RASAL2: variants seen among roughly 807,000 people sequenced by gnomAD.
RASAL2 encodes ras GTPase-activating protein nGAP.
Under a neutral mutation model 128.9 loss-of-function variants are expected in RASAL2, and 58 were observed. That is an observed-to-expected ratio of 0.45 (90% confidence interval 0.36 to 0.56). RASAL2 has a LOEUF of 0.56. Ranked by LOEUF, RASAL2 falls within the 20% of genes least tolerant of loss-of-function variation. The pLI is 0.00. For synonymous variants in RASAL2, 561 were observed against 580.8 expected, an observed-to-expected ratio of 0.97 and a Z score of 0.49; for missense variants, 1,360 against 1,601.6, an observed-to-expected ratio of 0.85 and a Z score of 2.57.
intron 1 of RASAL2, among the ~76,000 whole-genome samples, chr1:178,169,725 C>T (rs1661641613): frequency 6.6e-6 from 1 of 152,014 alleles, no homozygotes; most frequent in Non-Finnish European, 1.5e-5. Flanking sequence ...ATGTAGACCA[C>T]AGTTGCATTT....
intron 3 of RASAL2, among the ~76,000 whole-genome samples, chr1:178,321,825 C>T (rs976140775): frequency 6.6e-5 from 10 of 151,710 alleles, no homozygotes; most frequent in Non-Finnish European, 1.3e-4. Flanking sequence ...CCCGTCTCTA[C>T]TAAAAATACA....
At chr1:178,117,992 C>T (rs1025768251) in intron 1 of RASAL2, among the ~76,000 whole-genome samples, 1 of 151,886 alleles carries the variant, frequency 6.6e-6, no homozygotes, top group Non-Finnish European at 1.5e-5. Context: ...TGATGAAACT[C>T]CGTCTCGACT....
At chr1:178,417,091 A>T (rs1456069730) in intron 4 of RASAL2, among the ~76,000 whole-genome samples, 1 of 147,700 alleles carries the variant, frequency 6.8e-6, no homozygotes, top group Non-Finnish European at 1.5e-5. Context: ...ATTGTTTCTG[A>T]TTTTCTATTT....
At chr1:178,190,760 T>A (rs1662467730) in intron 1 of RASAL2, among the ~76,000 whole-genome samples, 1 of 151,880 alleles carries the variant, frequency 6.6e-6, no homozygotes, top group South Asian at 2.1e-4. Flanking sequence ...ATCCCCTATA[T>A]GTAGCCGGAA....
intron 1 of RASAL2, among the ~76,000 whole-genome samples, chr1:178,198,152 A>G (rs978338674): frequency 6.6e-6 from 1 of 152,210 alleles, no homozygotes; most frequent in Non-Finnish European, 1.5e-5. Context: ...TAGTGCCACA[A>G]TAAACATACA....
Position 178,439,345 on chromosome 1 carries a change from T to G in RASAL2, c.675-77T>G. On this transcript the variant is annotated intron_variant, in intron 5 of 17. Transcript: ENST00000367649. ...CCCTTAGGCATTTGTACATTTATTG[T>G]TATCCTCCATTGCATTAGACCTTCA... 3.1e-6 allele frequency: 4 copies of G among 1,300,920 alleles called. No individual in the cohort carries two copies. The South Asian group carries it at 6.1e-5, about 20-fold the overall frequency. 80.6% of individuals were successfully genotyped at this position (1,300,920 alleles called of 1,614,324 possible).
At chr1:178,094,821 T>C (rs1284100796) in intron 1 of RASAL2, 127 bp downstream of exon 1, 1 of 1,156,828 alleles carries the variant, frequency 8.6e-7, no homozygotes, top group Non-Finnish European at 1.2e-6. Flanking sequence ...CATCCCTTTT[T>C]GTTCTGGGGG....
rs1051331307 is a variant in RASAL2 at position 178,473,407 on chromosome 1, G to C, written c.*168G>C. On this transcript the variant is annotated 3_prime_UTR_variant, in exon 18 of 18. Coordinates refer to ENST00000367649, the MANE Select transcript of RASAL2 (RefSeq NM_170692.4). Reference sequence around the variant, plus strand: ...CTTGTCTTTCAGGGCATAAGGCGGCGACTTCCAAGGTCAATGCTTTTCCCC... The same window carrying C: ...CTTGTCTTTCAGGGCATAAGGCGGCCACTTCCAAGGTCAATGCTTTTCCCC... The C allele has an allele frequency of 7.7e-6, 6 of 781,720 alleles. No homozygotes were observed. Among genetic ancestry groups the C allele is most frequent in the Non-Finnish European group, 1.2e-5 (6 of 500,332 alleles). 48.4% of individuals were successfully genotyped at this position (781,720 alleles called of 1,614,324 possible).
intron 1 of RASAL2, among the ~76,000 whole-genome samples, chr1:178,279,197 C>T (rs889626570): frequency 2.0e-5 from 3 of 152,148 alleles, no homozygotes; most frequent in African/African-American, 7.2e-5. Flanking sequence ...TATTGGACTT[C>T]CTGTTATATA....
chr1:178,242,449 C>CA (rs1305365616), intron 1 of RASAL2, among the ~76,000 whole-genome samples: 1 of 117,940 alleles, frequency 8.5e-6, no homozygotes, highest in African/African-American at 3.4e-5. Flanking sequence ...CTCTCTCTCT[C>CA]TCTCTCTCTC....
At chr1:178,398,121 G>GT (rs1168038347) in intron 4 of RASAL2, among the ~76,000 whole-genome samples, 3 of 151,370 alleles carry the variant, frequency 2.0e-5, no homozygotes, top group South Asian at 2.1e-4. Flanking sequence ...ATTTTCTACA[G>GT]TTTTTTTTAG....
chr1:178,476,669 A>ACTG lies in RASAL2; in HGVS notation c.*3433_*3435dup, dbSNP rs1367550888. On this transcript the variant is annotated 3_prime_UTR_variant, in exon 18 of 18. Transcript: ENST00000367649. The stretch of plus-strand genomic sequence containing the variant: ...TGAAAGAAAAAGAAGATTACCTAAG[A>ACTG]CTGCTACAAGTGTTAACTATATGCC... 1 of 152,178 alleles carries ACTG rather than the reference A, an allele frequency of 6.6e-6. No homozygotes were observed. Among genetic ancestry groups the ACTG allele is most frequent in the African/African-American group, 2.4e-5 (1 of 41,436 alleles). The allele number at this position is 152,178 out of a possible 1,614,324, so 9.4% of individuals were successfully genotyped here. A position where few individuals can be genotyped will look rare whatever the true frequency, so the allele number is the denominator to read the frequency against.
intron 3 of RASAL2, among the ~76,000 whole-genome samples, chr1:178,326,081 C>T (rs905983257): frequency 6.6e-6 from 1 of 152,142 alleles, no homozygotes; most frequent in Non-Finnish European, 1.5e-5. Context: ...TGCTACTGCA[C>T]TCCAGCCTGG....
intron 1 of RASAL2, among the ~76,000 whole-genome samples, chr1:178,110,549 AGT>A (rs1491499326): frequency 6.9e-6 from 1 of 145,602 alleles, no homozygotes; most frequent in Non-Finnish European, 1.5e-5. Flanking sequence ...CTATATATAC[AGT>A]GTATATATAG....
At chr1:178,409,456 G>T (rs909104865) in intron 4 of RASAL2, among the ~76,000 whole-genome samples, 1 of 152,096 alleles carries the variant, frequency 6.6e-6, no homozygotes, top group East Asian at 1.9e-4. Context: ...ATTCCTAAGC[G>T]GTATCAAAAA....
At chr1:178,208,000 C>G (rs1226585472) in intron 1 of RASAL2, among the ~76,000 whole-genome samples, 1 of 152,130 alleles carries the variant, frequency 6.6e-6, no homozygotes, top group Non-Finnish European at 1.5e-5. Context: ...CCAAATAATA[C>G]TTTTATAATT....
intron 17 of RASAL2, among the ~76,000 whole-genome samples, chr1:178,469,976 A>T (rs538854127): frequency 1.3e-5 from 2 of 152,372 alleles, no homozygotes; most frequent in East Asian, 1.9e-4. Flanking sequence ...GTTAAATTTT[A>T]AAAAATTATA....
At chr1:178,242,572 A>G (rs183664920) in intron 1 of RASAL2, among the ~76,000 whole-genome samples, 110 of 151,706 alleles carry the variant, frequency 7.3e-4, no homozygotes, top group Admixed American at 2.4e-3. Context: ...TGATGGGATT[A>G]TAAGTGTGAG....
intron 3 of RASAL2, among the ~76,000 whole-genome samples, chr1:178,320,716 C>T (rs1207814700): frequency 6.6e-6 from 1 of 152,204 alleles, no homozygotes; most frequent in Non-Finnish European, 1.5e-5. Flanking sequence ...GAGATGAACC[C>T]GGTACCTCAG....
Sources: allele counts gnomAD v4.1 joint callset (sites outside exome capture counted in the v4.1 genomes callset), GRCh38; gene constraint gnomAD v4.1.1; transcripts MANE v1.5; gene names NCBI Gene and HGNC (gene_info 2026-07-23, HGNC 2026-07-21).